Variants in PLEKHM2 observed in about 807,000 individuals in gnomAD.
PLEKHM2 encodes the protein pleckstrin homology and RUN domain containing M2.
In PLEKHM2, 77 loss-of-function variants were observed where a neutral mutation model predicts 116.3. That is an observed-to-expected ratio of 0.66 (90% CI 0.55 to 0.80). PLEKHM2 has a LOEUF of 0.80. Among genes scored for constraint, PLEKHM2 ranks in the 30% least tolerant of loss-of-function variants. PLEKHM2 has a pLI of 0.00. For missense variants in PLEKHM2, 1,183 were observed against 1,354.9 expected (o/e 0.87, Z 1.99); for synonymous variants, 562 against 571.0 (o/e 0.98, Z 0.22).
chr1:15,723,475 C>T (rs925902953), intron 7 of PLEKHM2: 4 of 150,356 alleles, frequency 2.7e-5, no homozygotes, highest in Non-Finnish European at 5.9e-5. Context: ...GGGCCAGGCT[C>T]ACACCTGTAA....
In PLEKHM2 at chr1:15,732,030, C is replaced by T; in HGVS notation, c.2607C>T (p.Cys869=). The stretch of plus-strand genomic sequence containing the variant: ...TGGCCGAGTGGATGCAGCATCTCTG[C>T]CAGGCTGTGTCCAAAGGGGTGAGCT... ...AEMAEWMQHL[C]QAVSKGVIPQ... The change falls in exon 17 of 20, where the codon TGC becomes TGT. Residue 869 remains cysteine, a synonymous_variant. Coordinates refer to ENST00000375799, the MANE Select transcript of PLEKHM2 (RefSeq NM_015164.4). 1 of 1,611,904 alleles carries T rather than the reference C, an allele frequency of 6.2e-7. No individual in the cohort carries two copies. The highest frequency in any genetic ancestry group is 1.1e-5 in the South Asian group (1 of 91,010).
At chr1:15,724,845 C>T (rs1207547855) in intron 7 of PLEKHM2, among the ~76,000 whole-genome samples, 2 of 152,178 alleles carry the variant, frequency 1.3e-5, no homozygotes, top group African/African-American at 4.8e-5. Context: ...ACTTTGGGCA[C>T]CTCTCAGCCC....
chr1:15,706,142 G>A (rs1571037096), intron 1 of PLEKHM2, among the ~76,000 whole-genome samples: 1 of 152,114 alleles, frequency 6.6e-6, no homozygotes, highest in African/African-American at 2.4e-5. Flanking sequence ...GTACTTTCCT[G>A]TTCTCACCTG....
At chr1:15,732,168 G>A (rs2068153721) in intron 17 of PLEKHM2, 120 bp downstream of exon 17, 1 of 1,050,240 alleles carries the variant, frequency 9.5e-7, no homozygotes, top group Non-Finnish European at 1.4e-6. Flanking sequence ...CCTCCAGGGG[G>A]CAGCCCAGGA....
intron 1 of PLEKHM2, among the ~76,000 whole-genome samples, chr1:15,687,084 G>T (rs1640788359): frequency 6.6e-6 from 1 of 151,260 alleles, no homozygotes; most frequent in Non-Finnish European, 1.5e-5. Context: ...CACCGTGCCC[G>T]ACTACTTTTT....
At chr1:15,726,060 C>G (rs2068060585) in intron 8 of PLEKHM2, among the ~76,000 whole-genome samples, 1 of 152,144 alleles carries the variant, frequency 6.6e-6, no homozygotes, top group Non-Finnish European at 1.5e-5. Context: ...TTGTAGGGCT[C>G]AAGCCCTTGG....
Position 15,684,525 on chromosome 1 carries a change from T to C in PLEKHM2, c.-34T>C, listed in dbSNP as rs778195790. The C allele has an allele frequency of 5.4e-4, 408 of 752,856 alleles. 2 individuals carry two copies. The African/African-American group carries it at 9.6e-3, about 18-fold the overall frequency. The allele number at this position is 752,856 out of a possible 1,614,324, so 46.6% of individuals were successfully genotyped here. A position where few individuals can be genotyped will look rare whatever the true frequency, so the allele number is the denominator to read the frequency against. On this transcript the variant is annotated 5_prime_UTR_variant, in exon 1 of 20. Transcript: ENST00000375799. ...AGCGGCGGCGGGGCGGCGGCGGCGG[T>C]GGCGGTGGCGGTGGCGGCGACGGTG...
At chr1:15,702,860 A>G (rs1641143749) in intron 1 of PLEKHM2, among the ~76,000 whole-genome samples, 1 of 150,820 alleles carries the variant, frequency 6.6e-6, no homozygotes, top group Non-Finnish European at 1.5e-5. Context: ...AACTGGGACT[A>G]TAGGTATGCA....
chr1:15,733,064 G>A (rs1425013595), intron 19 of PLEKHM2, among the ~76,000 whole-genome samples: 1 of 152,252 alleles, frequency 6.6e-6, no homozygotes, highest in African/African-American at 2.4e-5. Flanking sequence ...CTCCAGCCCC[G>A]GTGGTTCTGC....
chr1:15,733,848 G>C lies in PLEKHM2; in HGVS notation c.2974G>C (p.Glu992Gln), dbSNP rs369250576. The C allele has an allele frequency of 9.9e-6, 16 of 1,613,116 alleles. No homozygotes were observed. Among genetic ancestry groups the C allele is most frequent in the Non-Finnish European group, 1.4e-5 (16 of 1,179,840 alleles). The change falls in exon 20 of 20, where the codon GAG becomes CAG. Residue 992 changes from glutamate (E) to glutamine (Q), a missense_variant. By Grantham distance (29) the Glu-to-Gln change is conservative. Around this residue, in one of 3 missense-constraint regions of PLEKHM2, gnomAD observed 594 missense variants for 720.1 expected, o/e 0.82. Coordinates refer to ENST00000375799, the MANE Select transcript of PLEKHM2 (RefSeq NM_015164.4). ...IQEASNKKKF[E>Q]DALSLIHSAW... ...GGAAGCCTCCAACAAGAAGAAATTC[G>C]AGGATGCCTTGAGCCTCATCCACAG...
At position 15,729,765 on chromosome 1, in the gene PLEKHM2, G is replaced by GT; in HGVS notation, c.2076-32_2076-31insT. 1 of 1,589,080 alleles carries GT rather than the reference G, an allele frequency of 6.3e-7. No homozygotes were observed. On this transcript the variant is annotated intron_variant, in intron 13 of 19. Coordinates refer to ENST00000375799, the MANE Select transcript of PLEKHM2 (RefSeq NM_015164.4). This position sits in a 1 kb window ranked among gnomAD's most constrained non-coding sequence, Gnocchi z 4.7. ...TGTCCAGTTGAGGCCCTGTTCCCAG[G>GT]CCTCTAACCACAAACCTCACTCCCT...
intron 7 of PLEKHM2, among the ~76,000 whole-genome samples, chr1:15,724,352 G>A (rs1279141501): frequency 6.6e-6 from 1 of 152,166 alleles, no homozygotes; most frequent in Non-Finnish European, 1.5e-5. Flanking sequence ...GCATGGTGGC[G>A]CATGCCTGTA....
Position 15,704,779 on chromosome 1 carries a change from G to A in PLEKHM2, c.61-11458G>A, listed in dbSNP as rs529987793. Among the ~76,000 whole-genome samples, 274 of 152,296 alleles carry A rather than the reference G, an allele frequency of 1.8e-3. 2 individuals carry two copies. Among genetic ancestry groups the A allele is most frequent in the Non-Finnish European group, 3.2e-3 (221 of 68,024 alleles). On this transcript the variant is annotated intron_variant, in intron 1 of 19. Transcript: ENST00000375799. Reference sequence around the variant, plus strand: ...AGGCCCCTGCTGCCATGACCCTGGCGACTGACCACACCTGCCCTTGGGAAA... The same window carrying A: ...AGGCCCCTGCTGCCATGACCCTGGCAACTGACCACACCTGCCCTTGGGAAA...
chr1:15,711,282 A>G (rs1641325400), intron 1 of PLEKHM2, among the ~76,000 whole-genome samples: 1 of 152,106 alleles, frequency 6.6e-6, no homozygotes, highest in African/African-American at 2.4e-5. Flanking sequence ...TCTAAACCTA[A>G]AAACCAAAAT....
intron 1 of PLEKHM2, among the ~76,000 whole-genome samples, chr1:15,688,049 C>G (rs560672073): frequency 1.3e-5 from 2 of 152,206 alleles, no homozygotes; most frequent in African/African-American, 4.8e-5. Flanking sequence ...TGAGTTCTCA[C>G]AAAGTGAAAA....
In PLEKHM2 at chr1:15,728,003, CT is replaced by C. The variant is rs1005140620; in HGVS notation, c.1761-75del. 4 of 1,314,046 alleles carry C rather than the reference CT, an allele frequency of 3.0e-6. No homozygotes were observed. Among genetic ancestry groups the C allele is most frequent in the Admixed American group, 3.9e-5 (2 of 51,748 alleles). The allele number at this position is 1,314,046 out of a possible 1,614,324, so 81.4% of individuals were successfully genotyped here. On this transcript the variant is annotated intron_variant, in intron 9 of 19. Coordinates refer to ENST00000375799, the MANE Select transcript of PLEKHM2 (RefSeq NM_015164.4). This position sits in a 1 kb window ranked among gnomAD's most constrained non-coding sequence, Gnocchi z 5.9. ...TAGTGGGAGGCGGAGGCACTACCCCCTGGCTCTGGGGTGGGGTGTGGCCTCT... is the reference window on the plus strand; with the variant it reads ...TAGTGGGAGGCGGAGGCACTACCCCCGGCTCTGGGGTGGGGTGTGGCCTCT...
intron 1 of PLEKHM2, among the ~76,000 whole-genome samples, chr1:15,714,108 G>A (rs9728986): frequency 0.37 from 55,657 of 151,018 alleles, 13,307 homozygotes; most frequent in African/African-American, 0.68. Context: ...CACCCAGCTA[G>A]TTGTTGTATT....
chr1:15,690,155 C>T (rs898183047), intron 1 of PLEKHM2, among the ~76,000 whole-genome samples: 2 of 151,920 alleles, frequency 1.3e-5, no homozygotes, highest in Admixed American at 1.3e-4. Context: ...CAACCCCCTC[C>T]TCCTGGGTTC....
intron 5 of PLEKHM2, 88 bp downstream of exon 5, chr1:15,718,713 C>G (rs997862617): frequency 3.9e-6 from 3 of 777,780 alleles, no homozygotes; most frequent in Non-Finnish European, 6.6e-6. Flanking sequence ...TTTCTCAGGT[C>G]TTGTTGAGGG....
Sources: allele counts gnomAD v4.1 joint callset (sites outside exome capture counted in the v4.1 genomes callset), GRCh38; gene constraint gnomAD v4.1.1; regional missense constraint gnomAD v4.1.1; non-coding constraint Gnocchi (gnomAD v3.1); transcripts MANE v1.5; gene names NCBI Gene and HGNC (gene_info 2026-07-23, HGNC 2026-07-21).